The following ITGA8 variants were observed in gnomAD, a reference collection of about 807,000 sequenced individuals.
ITGA8 encodes the protein integrin alpha-8.
Under a neutral mutation model 142.3 loss-of-function variants are expected in ITGA8, and 91 were observed. The observed-to-expected ratio is 0.64, with a 90% CI of 0.54 to 0.76. The LOEUF (loss-of-function observed/expected upper bound fraction) is 0.76, where lower values mean the gene tolerates loss of function less well. Ranked by LOEUF, ITGA8 falls within the 30% of genes least tolerant of loss-of-function variation. ITGA8 has a pLI of 0.00. For synonymous variants in ITGA8, 505 were observed against 485.2 expected (o/e 1.04, Z -0.54); for missense variants, 1,406 against 1,327.7 (o/e 1.06, Z -0.92).
rs150193804 is a variant in ITGA8, at chr10:15,698,034, T to G, written c.344-9996A>C. Among the ~76,000 whole-genome samples the G allele has an allele frequency of 5.3e-3, 801 of 152,342 alleles. 3 individuals are homozygous for G. The highest frequency in any genetic ancestry group is 7.9e-3 in the South Asian group (38 of 4,826). ...CCCAAGCAGCGTACACTGTACCCAA[T>G]GTGTAGTCTTTTATCCCTCACCCCT... On this transcript the variant is annotated intron_variant, in intron 2 of 29. Transcript: ENST00000378076.
At chr10:15,617,935 G>A (rs1345809686) in intron 13 of ITGA8, among the ~76,000 whole-genome samples, 5 of 152,138 alleles carry the variant, frequency 3.3e-5, no homozygotes, top group Non-Finnish European at 5.9e-5. Context: ...GCAGCAACAT[G>A]GATGGAACTA....
chr10:15,627,223 C>T (rs1479606703), intron 13 of ITGA8, among the ~76,000 whole-genome samples: 1 of 152,202 alleles, frequency 6.6e-6, no homozygotes, highest in Non-Finnish European at 1.5e-5. Context: ...CACTGGATCA[C>T]TCACATTCTG....
intron 10 of ITGA8, among the ~76,000 whole-genome samples, chr10:15,657,655 C>T (rs1045028671): frequency 2.0e-5 from 3 of 151,902 alleles, no homozygotes; most frequent in Non-Finnish European, 2.9e-5. Context: ...TCTTTAAATA[C>T]TGAGTTGGTG....
chr10:15,644,522 C>T (rs1333647793), intron 12 of ITGA8, among the ~76,000 whole-genome samples: 6 of 116,040 alleles, frequency 5.2e-5, no homozygotes, highest in Middle Eastern at 0.01. Context: ...AGCAATGGGT[C>T]CTTGCTTTGT....
chr10:15,670,470 A>G (rs1165144410), intron 8 of ITGA8, among the ~76,000 whole-genome samples: 1 of 152,250 alleles, frequency 6.6e-6, no homozygotes, highest in Non-Finnish European at 1.5e-5. Flanking sequence ...CCAAAGATTC[A>G]AATTATTTCT....
chr10:15,593,839 A>ATTT (rs35907545), intron 21 of ITGA8, among the ~76,000 whole-genome samples: 16 of 137,310 alleles, frequency 1.2e-4, no homozygotes, highest in African/African-American at 4.0e-4. Flanking sequence ...CCCAGCAAAG[A>ATTT]TTTTTTTTTT....
At chr10:15,652,060 G>A (rs533666523) in intron 11 of ITGA8, among the ~76,000 whole-genome samples, 1 of 152,214 alleles carries the variant, frequency 6.6e-6, no homozygotes, top group South Asian at 2.1e-4. Context: ...AGTATGCATA[G>A]CAATTTTTAA....
Position 15,641,117 on chromosome 10 carries a change from G to T in ITGA8, c.1399+2913C>A, listed in dbSNP as rs1376689. On this transcript the variant is annotated intron_variant, in intron 13 of 29. Transcript: ENST00000378076. ...TGCCCAGGCTGGAGTGCAGTGGCGCGATATCGGCTCACTGCAACCTCTGCC... is the reference window on the plus strand; with the variant it reads ...TGCCCAGGCTGGAGTGCAGTGGCGCTATATCGGCTCACTGCAACCTCTGCC... 2.0e-5 allele frequency among the ~76,000 whole-genome samples: 3 copies of T among 152,070 alleles called. No homozygotes were observed. The South Asian group carries it at 6.2e-4, about 32-fold the overall frequency.
chr10:15,515,347 A>G lies in ITGA8; in HGVS notation c.*1811T>C, dbSNP rs1832947029. 1 of 152,400 alleles carries G rather than the reference A, an allele frequency of 6.6e-6. No homozygotes were observed. The highest frequency in any genetic ancestry group is 2.1e-4 in the South Asian group (1 of 4,828). The allele number at this position is 152,400 out of a possible 1,614,324, so 9.4% of individuals were successfully genotyped here. A position where few individuals can be genotyped will look rare whatever the true frequency, so the allele number is the denominator to read the frequency against. On this transcript the variant is annotated 3_prime_UTR_variant, in exon 30 of 30. Transcript: ENST00000378076. The stretch of plus-strand genomic sequence containing the variant: ...GAAACTGCTACCAGGACAGTATTCA[A>G]TTCACAGGCAGGAAGAACATGAACT...
Position 15,597,296 on chromosome 10 carries a change from A to G in ITGA8, c.2122T>C (p.Phe708Leu). 6.2e-7 allele frequency: 1 copy of G among 1,613,550 alleles called. No individual in the cohort carries two copies. The highest frequency in any genetic ancestry group is 1.1e-5 in the South Asian group (1 of 91,072). Residue 708 changes from phenylalanine to leucine, a missense_variant, in exon 21 of 30, where the codon TTT becomes CTT. Coordinates refer to ENST00000378076, the MANE Select transcript of ITGA8 (RefSeq NM_003638.3). ...YVGIERNNKG[F>L]RPLSCEYKME... is the part of the protein sequence containing the mutation. ...TTGTACTCACAGCTCAGTGGTCGAA[A>G]TCCCTACAATTGCAAAGAACAGGGG...
At chr10:15,672,825 T>C (rs1834552799) in intron 6 of ITGA8, 76 bp from the exon 7 acceptor site, 6 of 1,402,948 alleles carry the variant, frequency 4.3e-6, no homozygotes, top group Non-Finnish European at 3.8e-6. Context: ...CCACATTCCC[T>C]TGAAAGCTAT....
At chr10:15,535,995 C>G (rs905247864) in intron 27 of ITGA8, among the ~76,000 whole-genome samples, 3 of 151,928 alleles carry the variant, frequency 2.0e-5, no homozygotes, top group African/African-American at 4.8e-5. Context: ...TAACATTCAC[C>G]GAGAAGGTCC....
chr10:15,585,212 A>G (rs762801765), intron 23 of ITGA8, among the ~76,000 whole-genome samples: 1 of 152,204 alleles, frequency 6.6e-6, no homozygotes, highest in Non-Finnish European at 1.5e-5. Context: ...TCAAAAAACT[A>G]TATCCCAGGC....
chr10:15,653,133 C>T (rs1231057657), intron 11 of ITGA8, among the ~76,000 whole-genome samples: 1 of 152,200 alleles, frequency 6.6e-6, no homozygotes, highest in African/African-American at 2.4e-5. Context: ...GAGCTCCCAC[C>T]TCAGGGAATA....
intron 13 of ITGA8, among the ~76,000 whole-genome samples, chr10:15,621,561 G>T (rs543743506): frequency 6.6e-6 from 1 of 152,284 alleles, no homozygotes; most frequent in African/African-American, 2.4e-5. Flanking sequence ...GTTGGAAGAA[G>T]TTCTATTTGA....
intron 19 of ITGA8, 54 bp from the exon 20 acceptor site, chr10:15,604,409 A>G: frequency 1.4e-6 from 2 of 1,432,480 alleles, no homozygotes; most frequent in Non-Finnish European, 1.9e-6. Flanking sequence ...TGGCTTCGTG[A>G]ATATTTTATT....
intron 7 of ITGA8, 44 bp downstream of exon 7, chr10:15,672,580 T>C (rs1187899145): frequency 2.5e-6 from 4 of 1,577,772 alleles, no homozygotes; most frequent in Admixed American, 3.8e-5. Flanking sequence ...TTTACTATGC[T>C]TGTCTTTTGA....
chr10:15,690,932 A>G (rs1834922306), intron 2 of ITGA8, among the ~76,000 whole-genome samples: 1 of 152,206 alleles, frequency 6.6e-6, no homozygotes, highest in South Asian at 2.1e-4. Flanking sequence ...ATGGGAGAAA[A>G]TATTTGCAAA....
intron 26 of ITGA8, among the ~76,000 whole-genome samples, chr10:15,556,832 C>G (rs1039182531): frequency 1.3e-5 from 2 of 152,176 alleles, no homozygotes; most frequent in African/African-American, 2.4e-5. Context: ...TACCTGTTCA[C>G]CATCCCCACT....
Sources: allele counts gnomAD v4.1 joint callset (sites outside exome capture counted in the v4.1 genomes callset), GRCh38; gene constraint gnomAD v4.1.1; transcripts MANE v1.5; gene names NCBI Gene and HGNC (gene_info 2026-07-23, HGNC 2026-07-21).